Variants in IL12RB2 observed in about 807,000 individuals in gnomAD.
The protein encoded by IL12RB2 is interleukin 12 receptor subunit beta 2, also known as interleukin-12 receptor subunit beta-2.
In IL12RB2, 82 loss-of-function variants were observed where a neutral mutation model predicts 89.4. The observed-to-expected ratio is 0.92, with a 90% confidence interval of 0.77 to 1.10. The LOEUF is 1.10. Ranked by LOEUF, IL12RB2 falls within the 50% of genes least tolerant of loss-of-function variation. The pLI is 0.00. For synonymous variants in IL12RB2, 368 were observed against 370.1 expected, an observed-to-expected ratio of 0.99 and a Z score of 0.07; for missense variants, 963 against 1,031.9, an observed-to-expected ratio of 0.93 and a Z score of 0.92.
chr1:67,332,028 T>C (rs1658161056), intron 8 of IL12RB2, among the ~76,000 whole-genome samples: 1 of 152,212 alleles, frequency 6.6e-6, no homozygotes, highest in Non-Finnish European at 1.5e-5. Context: ...TATGTGTGCA[T>C]GTAAACTAGC....
chr1:67,340,119 G>T (rs532252336), intron 9 of IL12RB2, among the ~76,000 whole-genome samples: 3 of 152,278 alleles, frequency 2.0e-5, no homozygotes, highest in East Asian at 3.9e-4. Flanking sequence ...TTTAAGAAAT[G>T]AGTGATTTCT....
chr1:67,334,432 G>T (rs1314535606), intron 8 of IL12RB2, among the ~76,000 whole-genome samples: 1 of 152,182 alleles, frequency 6.6e-6, no homozygotes, highest in Non-Finnish European at 1.5e-5. Flanking sequence ...ATTTATGTAT[G>T]CTGAAATTGG....
At position 67,330,273 on chromosome 1, in the gene IL12RB2, TAAA is replaced by T. The variant is rs66726768; in HGVS notation, c.808-376_808-374del. Reference sequence around the variant, plus strand: ...AGTATAACTAATTAAAGGGTTTTTTTAAAAAAAAAAAAAGCCAGTGCTATGTTT... The same window carrying T: ...AGTATAACTAATTAAAGGGTTTTTTTAAAAAAAAAAGCCAGTGCTATGTTT... On this transcript the variant is annotated intron_variant, in intron 7 of 16. Coordinates refer to ENST00000674203, the MANE Select transcript of IL12RB2 (RefSeq NM_001374259.2). 3.8e-3 allele frequency among the ~76,000 whole-genome samples: 575 copies of T among 150,504 alleles called. 8 individuals are homozygous for T. In the East Asian group the frequency reaches 0.058, roughly 15 times the overall value.
chr1:67,321,224 A>G (rs1361212413), intron 3 of IL12RB2, among the ~76,000 whole-genome samples: 1 of 152,180 alleles, frequency 6.6e-6, no homozygotes, highest in East Asian at 1.9e-4. Context: ...GGTGATGGAA[A>G]CAAATGTGTT....
Position 67,379,998 on chromosome 1 carries a change from G to A in IL12RB2, c.1730G>A (p.Arg577Lys). 6.2e-7 allele frequency: 1 copy of A among 1,610,594 alleles called. No homozygotes were observed. The highest frequency in any genetic ancestry group is 1.1e-5 in the South Asian group (1 of 91,000). The change falls in exon 14 of 17, where the codon AGA becomes AAA. Residue 577 changes from arginine to lysine, a missense_variant. Transcript: ENST00000674203. ...ATCTTCCTTTCAGAAATTCCCTACA[G>A]AGTCTCCCAAAATTCACATCCAATA... The part of the protein sequence containing the change: ...SQPQLCEIPY[R>K]VSQNSHPINS...
chr1:67,330,197 A>G (rs945332141), intron 7 of IL12RB2, among the ~76,000 whole-genome samples: 3 of 152,072 alleles, frequency 2.0e-5, no homozygotes, highest in African/African-American at 7.2e-5. Context: ...GTAAAATTCA[A>G]TGGCTTATAA....
chr1:67,318,085 C>T (rs1656015934), intron 2 of IL12RB2, among the ~76,000 whole-genome samples: 2 of 152,038 alleles, frequency 1.3e-5, no homozygotes, highest in East Asian at 1.9e-4. Flanking sequence ...GTCAGCCACA[C>T]GAAGACGCAA....
At chr1:67,358,174 G>C (rs1423900215) in intron 10 of IL12RB2, among the ~76,000 whole-genome samples, 1 of 152,030 alleles carries the variant, frequency 6.6e-6, no homozygotes, top group Non-Finnish European at 1.5e-5. Flanking sequence ...CACTAGATAT[G>C]TCAATAACAA....
intron 13 of IL12RB2, among the ~76,000 whole-genome samples, chr1:67,379,489 G>A (rs183174311): frequency 1.4e-3 from 166 of 121,768 alleles, no homozygotes; most frequent in Middle Eastern, 0.012. Flanking sequence ...CAGCCTGGGC[G>A]ACAGAGCAAG....
intron 10 of IL12RB2, among the ~76,000 whole-genome samples, chr1:67,366,309 G>C (rs1265887610): frequency 1.3e-5 from 2 of 151,864 alleles, no homozygotes; most frequent in Non-Finnish European, 2.9e-5. Context: ...AAATTAGTTG[G>C]GTGTGGTGGC....
At chr1:67,366,268 A>G (rs969843331) in intron 10 of IL12RB2, among the ~76,000 whole-genome samples, 9 of 152,060 alleles carry the variant, frequency 5.9e-5, no homozygotes, top group Non-Finnish European at 1.0e-4. Flanking sequence ...CCTGGCCAAC[A>G]TGGTGAAACC....
chr1:67,371,779 TC>T (rs1328068705), intron 11 of IL12RB2, among the ~76,000 whole-genome samples: 1 of 152,170 alleles, frequency 6.6e-6, no homozygotes, highest in Non-Finnish European at 1.5e-5. Flanking sequence ...TTTTAAATCT[TC>T]CAGGCTGGGA....
chr1:67,339,178 T>A (rs1236140450), intron 9 of IL12RB2, among the ~76,000 whole-genome samples: 1 of 152,084 alleles, frequency 6.6e-6, no homozygotes, highest in Non-Finnish European at 1.5e-5. Flanking sequence ...TTAGGAATAG[T>A]AATAGTGGTA....
rs767439877 is a variant in IL12RB2 at position 67,395,716 on chromosome 1, C to G, written c.2216C>G (p.Ser739Cys). Residue 739 changes from serine to cysteine, a missense_variant, in exon 17 of 17, where the codon TCT becomes TGT. Transcript: ENST00000674203. ...REKGIQGHQA[S>C]EKDMMHSASS... ...AAAGGAATCCAAGGTCATCAGGCCT[C>G]TGAGAAAGACATGATGCACAGTGCC... 4 of 1,614,180 alleles carry G rather than the reference C, an allele frequency of 2.5e-6. No individual in the cohort carries two copies. In the East Asian group the frequency reaches 8.9e-5, roughly 36 times the overall value.
chr1:67,329,721 T>G lies in IL12RB2; in HGVS notation c.799T>G (p.Trp267Gly). Residue 267 changes from tryptophan (W) to glycine (G), a missense_variant, in exon 7 of 17, where the codon TGG (tryptophan) becomes GGG (glycine). Transcript: ENST00000674203. ...ATATCGGCCCAGTAACAGCAGGCTCTGGAATATGGTAATTATCTTTAGAGT... is the reference window on the plus strand; with the variant it reads ...ATATCGGCCCAGTAACAGCAGGCTCGGGAATATGGTAATTATCTTTAGAGT... Reference protein sequence around the residue: ...LRYRPSNSRLWNMVNVTKAKG... With the variant: ...LRYRPSNSRLGNMVNVTKAKG... 1 of 1,605,218 alleles carries G rather than the reference T, an allele frequency of 6.2e-7. No homozygotes were observed. Among genetic ancestry groups the G allele is most frequent in the Non-Finnish European group, 8.5e-7 (1 of 1,171,916 alleles).
chr1:67,314,876 G>C lies in IL12RB2; in HGVS notation c.-37+876G>C, dbSNP rs551262679. ...TCTGAGACGTTGTTTTCACCATCTG[G>C]AAACTGTCACAACTTGAGTGATGAG... On this transcript the variant is annotated intron_variant, in intron 2 of 16. Transcript: ENST00000674203. 2.3e-5 allele frequency among the ~76,000 whole-genome samples: 3 copies of C among 128,800 alleles called. No individual in the cohort carries two copies. The East Asian group carries it at 7.7e-4, about 33-fold the overall frequency. 84.5% of individuals were successfully genotyped at this position (128,800 alleles called of 152,430 possible).
intron 2 of IL12RB2, among the ~76,000 whole-genome samples, chr1:67,320,010 C>A (rs572976944): frequency 1.3e-5 from 2 of 152,246 alleles, no homozygotes; most frequent in East Asian, 3.9e-4. Flanking sequence ...ACTTGCCAGT[C>A]CCCAGAACTG....
At chr1:67,307,528 G>C (rs529386150), upstream of IL12RB2, 1 of 152,392 alleles carries the variant, frequency 6.6e-6, no homozygotes, top group South Asian at 2.1e-4. Context: ...TCCGTCTTAT[G>C]AGACAGGCTT....
chr1:67,342,864 A>T (rs1659815228), intron 9 of IL12RB2, among the ~76,000 whole-genome samples: 1 of 98,296 alleles, frequency 1.0e-5, no homozygotes. Context: ...TGCTCAAGTG[A>T]TCCTCCCACC....
Sources: gnomAD v4.1 joint callset for allele counts (sites outside exome capture counted in the v4.1 genomes callset) on GRCh38, gnomAD v4.1.1 for gene constraint, MANE v1.5 for transcripts, NCBI Gene and HGNC (gene_info 2026-07-23, HGNC 2026-07-21) for gene names.